Variants in ARHGAP26 observed in about 807,000 individuals in gnomAD.
ARHGAP26 encodes the protein rho GTPase-activating protein 26.
A neutral mutation model predicts 104.8 loss-of-function variants in ARHGAP26; 38 were observed. The ratio of observed to expected loss-of-function variants is 0.36; its 90% CI spans 0.28 to 0.48. The LOEUF is 0.48. ARHGAP26 is among the 20% of genes least tolerant of loss of function. The probability of loss-of-function intolerance (pLI) is 0.99; values close to 1 mark genes in which losing one functional copy is unlikely to be tolerated. For missense variants in ARHGAP26, 704 were observed against 947.9 expected (o/e 0.74, Z 3.38); for synonymous variants, 341 against 340.0 (o/e 1.00, Z -0.03).
At chr5:142,904,166 A>G (rs1760769437) in intron 8 of ARHGAP26, among the ~76,000 whole-genome samples, 1 of 151,946 alleles carries the variant, frequency 6.6e-6, no homozygotes, top group South Asian at 2.1e-4. Context: ...CTTGAATTTT[A>G]TGAAAAGTAG....
intron 21 of ARHGAP26, among the ~76,000 whole-genome samples, chr5:143,208,669 C>T (rs748658754): frequency 2.0e-5 from 3 of 152,162 alleles, no homozygotes; most frequent in Middle Eastern, 3.2e-3. Context: ...TCCCCCTCAG[C>T]TCAGCACTCT....
At chr5:143,190,930 C>T (rs1319094522) in intron 20 of ARHGAP26, among the ~76,000 whole-genome samples, 1 of 152,172 alleles carries the variant, frequency 6.6e-6, no homozygotes, top group Non-Finnish European at 1.5e-5. Context: ...AAATGTCAGA[C>T]ACAAAAGACC....
At chr5:143,066,903 G>T (rs1249364990) in intron 17 of ARHGAP26, among the ~76,000 whole-genome samples, 1 of 152,196 alleles carries the variant, frequency 6.6e-6, no homozygotes, top group Non-Finnish European at 1.5e-5. Flanking sequence ...CTTATTGCAA[G>T]TCTCACACTT....
intron 1 of ARHGAP26, among the ~76,000 whole-genome samples, chr5:142,809,596 A>G (rs1390721777): frequency 6.6e-6 from 1 of 152,234 alleles, no homozygotes; most frequent in Non-Finnish European, 1.5e-5. Flanking sequence ...TGGCTGTGAA[A>G]AGAGAAAAAT....
At chr5:142,966,732 G>T (rs830288) in intron 11 of ARHGAP26, among the ~76,000 whole-genome samples, 57,850 of 152,022 alleles carry the variant, frequency 0.38, 12,288 homozygotes, top group East Asian at 0.78. Flanking sequence ...TTTTTCAAAT[G>T]TTTTATTTTA....
chr5:142,847,826 A>G (rs573381900), intron 1 of ARHGAP26, among the ~76,000 whole-genome samples: 26 of 152,372 alleles, frequency 1.7e-4, no homozygotes, highest in Admixed American at 8.5e-4. Flanking sequence ...GGTTTGGCCC[A>G]TCTGGACACC....
chr5:142,895,977 A>G (rs6580262), intron 6 of ARHGAP26, among the ~76,000 whole-genome samples: 2,264 of 149,714 alleles, frequency 0.015, 64 homozygotes, highest in African/African-American at 0.054. Flanking sequence ...ATATATGAAT[A>G]TTAAAACCTT....
intron 11 of ARHGAP26, among the ~76,000 whole-genome samples, chr5:142,953,557 CCTT>C (rs1330878229): frequency 6.6e-6 from 1 of 152,178 alleles, no homozygotes; most frequent in Non-Finnish European, 1.5e-5. Flanking sequence ...TGTTTCACCA[CCTT>C]CTTCCTTTCT....
chr5:143,185,135 A>G (rs567255577), intron 20 of ARHGAP26, among the ~76,000 whole-genome samples: 1 of 152,364 alleles, frequency 6.6e-6, no homozygotes, highest in African/African-American at 2.4e-5. Flanking sequence ...ACTGTTTATT[A>G]ATATGGGGAT....
intron 11 of ARHGAP26, among the ~76,000 whole-genome samples, chr5:142,964,557 C>G (rs1177801689): frequency 6.7e-6 from 1 of 150,096 alleles, no homozygotes; most frequent in African/African-American, 2.5e-5. Context: ...CACACACACA[C>G]ACACACACAC....
At chr5:143,081,908 G>A (rs1307899996) in intron 17 of ARHGAP26, among the ~76,000 whole-genome samples, 1 of 151,822 alleles carries the variant, frequency 6.6e-6, no homozygotes, top group East Asian at 1.9e-4. Context: ...TACTCGGGAG[G>A]CTGAGGCAGA....
At chr5:143,202,947 A>G (rs992184780) in intron 20 of ARHGAP26, 5 of 152,224 alleles carry the variant, frequency 3.3e-5, no homozygotes, top group Non-Finnish European at 1.5e-5. Context: ...AAAGACTTAA[A>G]TGTAAGACCT....
intron 17 of ARHGAP26, among the ~76,000 whole-genome samples, chr5:143,076,348 C>G (rs147247925): frequency 1.3e-5 from 2 of 152,168 alleles, no homozygotes; most frequent in African/African-American, 4.8e-5. Context: ...TTTTAAAATT[C>G]TCTAAGACAA....
intron 20 of ARHGAP26, among the ~76,000 whole-genome samples, chr5:143,180,491 C>A (rs1376825325): frequency 6.6e-6 from 1 of 152,158 alleles, no homozygotes; most frequent in African/African-American, 2.4e-5. Flanking sequence ...TGTGTTGGTG[C>A]ATTTTGTCAC....
chr5:142,993,948 G>T (rs1441041216), intron 11 of ARHGAP26, among the ~76,000 whole-genome samples: 1 of 152,190 alleles, frequency 6.6e-6, no homozygotes, highest in Non-Finnish European at 1.5e-5. Flanking sequence ...GGGATTATAG[G>T]CAAGAGCCAC....
intron 12 of ARHGAP26, among the ~76,000 whole-genome samples, chr5:143,019,430 A>T (rs1459069619): frequency 6.6e-6 from 1 of 151,978 alleles, no homozygotes; most frequent in Non-Finnish European, 1.5e-5. Context: ...GTATCTCTCG[A>T]TGTCTTTTTG....
rs114127587 is a variant in ARHGAP26, at chr5:142,812,160, G to C, written c.154+41245G>C. ...TTCCTGTAGTATGAGGGTTGTTCGG[G>C]CAGACATCCTGACCTTGCAGTTGCT... On this transcript the variant is annotated intron_variant, in intron 1 of 22. Coordinates refer to ENST00000645722, the MANE Select transcript of ARHGAP26 (RefSeq NM_001135608.3). Among the ~76,000 whole-genome samples the C allele has an allele frequency of 5.5e-3, 832 of 152,188 alleles. 8 individuals are homozygous for C. The highest frequency in any genetic ancestry group is 0.017 in the African/African-American group (693 of 41,494).
chr5:143,081,110 G>A (rs1789749892), intron 17 of ARHGAP26, among the ~76,000 whole-genome samples: 2 of 152,120 alleles, frequency 1.3e-5, no homozygotes. Flanking sequence ...GTGGGTGGGT[G>A]TTGGGGTAAA....
chr5:143,200,481 A>G (rs1807525794), intron 20 of ARHGAP26, among the ~76,000 whole-genome samples: 1 of 152,236 alleles, frequency 6.6e-6, no homozygotes, highest in African/African-American at 2.4e-5. Flanking sequence ...ACCATACAAT[A>G]GAACAGCCTG....
Sources: gnomAD v4.1 joint callset for allele counts (sites outside exome capture counted in the v4.1 genomes callset) on GRCh38, gnomAD v4.1.1 for gene constraint, MANE v1.5 for transcripts, NCBI Gene and HGNC (gene_info 2026-07-23, HGNC 2026-07-21) for gene names.